The following KIAA1958 variants were observed in gnomAD, a reference collection of about 807,000 sequenced individuals.
KIAA1958 encodes the protein uncharacterized protein KIAA1958.
In KIAA1958, 14 loss-of-function variants were observed where a neutral mutation model predicts 47.2. The ratio of observed to expected loss-of-function variants is 0.30; its 90% CI spans 0.20 to 0.46. The LOEUF (loss-of-function observed/expected upper bound fraction) is 0.46, where lower values mean the gene tolerates loss of function less well. KIAA1958 is among the 20% of genes least tolerant of loss of function. The probability of loss-of-function intolerance (pLI) is 1.00; values close to 1 mark genes in which losing one functional copy is unlikely to be tolerated. For synonymous variants in KIAA1958, 354 were observed against 353.3 expected (o/e 1.00, Z -0.02); for missense variants, 803 against 909.2 (o/e 0.88, Z 1.50).
chr9:112,669,338 T>C lies in KIAA1958; in HGVS notation c.*9269T>C, dbSNP rs1451862235. On this transcript the variant is annotated 3_prime_UTR_variant, in exon 4 of 4. Transcript: ENST00000337530. ...TGTTGTTGTTGTTTGGGTTCACTTATGTATATGCAGCTTGACTGTTCAACC... is the reference window on the plus strand; with the variant it reads ...TGTTGTTGTTGTTTGGGTTCACTTACGTATATGCAGCTTGACTGTTCAACC... 2 of 152,258 alleles carry C rather than the reference T, an allele frequency of 1.3e-5. No individual in the cohort carries two copies. Among genetic ancestry groups the C allele is most frequent in the Non-Finnish European group, 2.9e-5 (2 of 68,050 alleles). The allele number at this position is 152,258 out of a possible 1,614,324, so 9.4% of individuals were successfully genotyped here.
chr9:112,618,980 G>T lies in KIAA1958; in HGVS notation c.1172-26670G>T. On this transcript the variant is annotated intron_variant, in intron 2 of 3. Coordinates refer to ENST00000337530, the MANE Select transcript of KIAA1958 (RefSeq NM_133465.4). The surrounding 1 kb of genome is among the most constrained non-coding windows in gnomAD (Gnocchi z 7.1). ...TCCGGAGAAACTGTGATTATACACC[G>T]CTTCTCGTTCCCCTTCCTGTGCCCT... The T allele has an allele frequency of 6.9e-7, 1 of 1,449,052 alleles. No homozygotes were observed. Among genetic ancestry groups the T allele is most frequent in the South Asian group, 1.5e-5 (1 of 66,970 alleles). 89.8% of individuals were successfully genotyped at this position (1,449,052 alleles called of 1,614,324 possible).
chr9:112,617,263 A>C (rs1836421974), intron 2 of KIAA1958, among the ~76,000 whole-genome samples: 1 of 152,180 alleles, frequency 6.6e-6, no homozygotes. Context: ...ATTTCCATTC[A>C]TCACTTATTA....
At chr9:112,533,231 C>T (rs980734882) in intron 1 of KIAA1958, among the ~76,000 whole-genome samples, 3 of 151,906 alleles carry the variant, frequency 2.0e-5, no homozygotes, top group African/African-American at 7.3e-5. Flanking sequence ...AATCTGTTCT[C>T]ATGCTGCTGT....
rs1837373747 is a variant in KIAA1958, at chr9:112,667,979, G to A, written c.*7910G>A. 8.3e-6 allele frequency: 1 copy of A among 121,114 alleles called. No homozygotes were observed. The highest frequency in any genetic ancestry group is 2.6e-4 in the South Asian group (1 of 3,866). 7.5% of individuals were successfully genotyped at this position (121,114 alleles called of 1,614,324 possible). The stretch of plus-strand genomic sequence containing the variant: ...AGCTACATATCTAAAAGCACCCGAA[G>A]TCCTCATATGAATAGGCTAAATTAA... On this transcript the variant is annotated 3_prime_UTR_variant, in exon 4 of 4. Coordinates refer to ENST00000337530, the MANE Select transcript of KIAA1958 (RefSeq NM_133465.4).
intron 2 of KIAA1958, among the ~76,000 whole-genome samples, chr9:112,611,665 T>G (rs1486172051): frequency 6.6e-6 from 1 of 152,134 alleles, no homozygotes; most frequent in East Asian, 1.9e-4. Context: ...CAGGTTTTCC[T>G]AAACTTAGTA....
intron 1 of KIAA1958, among the ~76,000 whole-genome samples, chr9:112,555,161 A>T (rs1394373735): frequency 1.3e-5 from 2 of 152,142 alleles, no homozygotes; most frequent in African/African-American, 4.8e-5. Context: ...ACTGTCCCCA[A>T]ACTGGAGCAG....
rs571124446 is a variant in KIAA1958 at position 112,574,592 on chromosome 9, C to T, written c.512C>T (p.Ala171Val). Residue 171 changes from alanine (A) to valine (V), a missense_variant, in exon 2 of 4, where the codon GCT (alanine) becomes GTT (valine). Ala to Val is a moderately conservative substitution (Grantham distance 64, BLOSUM62 0). Transcript: ENST00000337530. ...CAAACCCAAAGGCCTCAAAGCATTG[C>T]TCGCAAAAGACCTGGGGTAGTCCCA... Reference protein sequence around the residue: ...EPQTQRPQSIARKRPGVVPSS... With the variant: ...EPQTQRPQSIVRKRPGVVPSS... The T allele has an allele frequency of 4.3e-6, 7 of 1,614,152 alleles. No individual in the cohort carries two copies. In the East Asian group the frequency reaches 8.9e-5, roughly 21 times the overall value.
At chr9:112,606,038 T>C (rs1216520228) in intron 2 of KIAA1958, among the ~76,000 whole-genome samples, 2 of 152,242 alleles carry the variant, frequency 1.3e-5, no homozygotes, top group Admixed American at 1.3e-4. Flanking sequence ...CCCAGCCTAC[T>C]TAATTCCTGA....
intron 1 of KIAA1958, among the ~76,000 whole-genome samples, chr9:112,571,575 T>G (rs1835534158): frequency 1.3e-5 from 2 of 152,102 alleles, no homozygotes; most frequent in South Asian, 4.1e-4. Flanking sequence ...TTGGACTCTC[T>G]GTGAGGAGTA....
chr9:112,545,461 G>C (rs1271688920), intron 1 of KIAA1958, among the ~76,000 whole-genome samples: 1 of 152,082 alleles, frequency 6.6e-6, no homozygotes, highest in Non-Finnish European at 1.5e-5. Flanking sequence ...GTCAAGTCAG[G>C]GTTTGGCTTT....
At chr9:112,654,041 A>G (rs4979140) in intron 3 of KIAA1958, among the ~76,000 whole-genome samples, 8,323 of 152,228 alleles carry the variant, frequency 0.055, 332 homozygotes, top group East Asian at 0.12. Context: ...GGGAAAATGG[A>G]TTCTACTTGA....
At chr9:112,595,679 A>G (rs1419942587) in intron 2 of KIAA1958, among the ~76,000 whole-genome samples, 1 of 6,034 alleles carries the variant, frequency 1.7e-4, no homozygotes, top group Non-Finnish European at 3.9e-4. Context: ...CTCCATCTAA[A>G]AAAAAAAAAA....
chr9:112,569,148 A>G (rs1564175452), intron 1 of KIAA1958, among the ~76,000 whole-genome samples: 1 of 152,064 alleles, frequency 6.6e-6, no homozygotes, highest in Non-Finnish European at 1.5e-5. Context: ...CATTCCTTCT[A>G]TATGTGGTAC....
chr9:112,539,004 C>T (rs1564164277), intron 1 of KIAA1958, among the ~76,000 whole-genome samples: 1 of 152,208 alleles, frequency 6.6e-6, no homozygotes, highest in Admixed American at 6.5e-5. Context: ...AGTACCACTT[C>T]ACACCCACTG....
intron 2 of KIAA1958, among the ~76,000 whole-genome samples, chr9:112,595,657 G>A (rs1308472893): frequency 7.6e-6 from 1 of 130,772 alleles, no homozygotes; most frequent in African/African-American, 3.0e-5. Flanking sequence ...CAACCTGGGC[G>A]ACAGAGTGAG....
intron 2 of KIAA1958, among the ~76,000 whole-genome samples, chr9:112,638,063 C>T (rs992998696): frequency 2.0e-5 from 3 of 152,110 alleles, no homozygotes; most frequent in South Asian, 2.1e-4. Flanking sequence ...GCAGGAGAAT[C>T]GCTTGAACCC....
chr9:112,588,237 TA>T (rs1361248043), intron 2 of KIAA1958, among the ~76,000 whole-genome samples: 8 of 152,242 alleles, frequency 5.3e-5, no homozygotes, highest in African/African-American at 1.4e-4. Flanking sequence ...TTTCACAGTG[TA>T]AATATTGTTC....
chr9:112,619,836 A>G (rs1341644231), intron 2 of KIAA1958, among the ~76,000 whole-genome samples: 4 of 152,220 alleles, frequency 2.6e-5, no homozygotes, highest in African/African-American at 9.6e-5. Flanking sequence ...CTTACTAAAA[A>G]TCTAGAAGCA....
intron 3 of KIAA1958, among the ~76,000 whole-genome samples, chr9:112,647,508 A>G (rs1004570061): frequency 1.3e-5 from 2 of 152,200 alleles, no homozygotes; most frequent in African/African-American, 2.4e-5. Context: ...ATAAACCACA[A>G]TGCATGAGGA....
Sources: allele counts gnomAD v4.1 joint callset (sites outside exome capture counted in the v4.1 genomes callset), GRCh38; gene constraint gnomAD v4.1.1; non-coding constraint Gnocchi (gnomAD v3.1); transcripts MANE v1.5; gene names NCBI Gene and HGNC (gene_info 2026-07-23, HGNC 2026-07-21).